The following GSR variants were observed in gnomAD, a reference collection of about 807,000 sequenced individuals.
The protein encoded by GSR is glutathione reductase, mitochondrial.
GSR carries 48 observed loss-of-function variants against 56.5 expected under a neutral mutation model. That is an observed-to-expected ratio of 0.85 (90% CI 0.67 to 1.08). The LOEUF is 1.08. Among genes scored for constraint, GSR ranks in the 50% least tolerant of loss-of-function variants. The pLI is 0.00. For synonymous variants in GSR, 264 were observed against 270.8 expected (o/e 0.97, Z 0.25); for missense variants, 694 against 703.3 (o/e 0.99, Z 0.15).
rs141145766 is a variant in GSR, at chr8:30,685,751, G to A, written c.1042-1552C>T. On this transcript the variant is annotated intron_variant, in intron 9 of 12. Transcript: ENST00000221130. Reference sequence around the variant, plus strand: ...AGCACTTCGGGAGGCCAAGGCGGGCGGATCACCTGAGGTCAGGAGTTTGAG... The same window carrying A: ...AGCACTTCGGGAGGCCAAGGCGGGCAGATCACCTGAGGTCAGGAGTTTGAG... 1.9e-3 allele frequency among the ~76,000 whole-genome samples: 286 copies of A among 151,970 alleles called. 4 individuals carry two copies. Among genetic ancestry groups the A allele is most frequent in the African/African-American group, 6.1e-3 (252 of 41,468 alleles).
intron 7 of GSR, among the ~76,000 whole-genome samples, chr8:30,694,083 ATACT>A (rs1467530032): frequency 6.6e-6 from 1 of 152,212 alleles, no homozygotes; most frequent in Non-Finnish European, 1.5e-5. Context: ...TAGCAAAATA[ATACT>A]TACCTATGAA....
At chr8:30,680,145 G>A (rs1318737429) in intron 12 of GSR, among the ~76,000 whole-genome samples, 1 of 152,288 alleles carries the variant, frequency 6.6e-6, no homozygotes, top group African/African-American at 2.4e-5. Context: ...TAACTGGCAT[G>A]AAGAAATAAC....
At chr8:30,709,392 C>T (rs1319184962) in intron 3 of GSR, among the ~76,000 whole-genome samples, 4 of 152,048 alleles carry the variant, frequency 2.6e-5, no homozygotes, top group Admixed American at 2.6e-4. Context: ...GAATGAGGTT[C>T]TGATACATAC....
chr8:30,681,129 AATCAAACCACGAGGAAAT>A (rs1337126993), intron 11 of GSR, 92 bp from the exon 12 acceptor site: 5 of 1,028,510 alleles, frequency 4.9e-6, no homozygotes, highest in Non-Finnish European at 7.6e-6. Flanking sequence ...ACATAACCTC[AATCAAACCACGAGGAAAT>A]ATCAAACCAC....
Position 30,696,283 on chromosome 8 carries a change from C to T in GSR, c.795+97G>A, listed in dbSNP as rs8190998. 7.5e-4 allele frequency: 661 copies of T among 883,696 alleles called. 6 individuals carry two copies. In the East Asian group the frequency reaches 0.014, roughly 19 times the overall value. 54.7% of individuals were successfully genotyped at this position (883,696 alleles called of 1,614,324 possible). ...GAAACCAACCAAATGACCCCCACAC[C>T]TGCTTTGCACCCTAGTATTTAACGA... On this transcript the variant is annotated intron_variant, in intron 7 of 12. Transcript: ENST00000221130.
chr8:30,694,071 T>G (rs1803472637), intron 7 of GSR, among the ~76,000 whole-genome samples: 1 of 152,192 alleles, frequency 6.6e-6, no homozygotes, highest in African/African-American at 2.4e-5. Context: ...CTGGATATAT[T>G]CTAGCAAAAT....
At chr8:30,690,285 G>C (rs1803339171) in intron 8 of GSR, among the ~76,000 whole-genome samples, 1 of 151,452 alleles carries the variant, frequency 6.6e-6, no homozygotes, top group African/African-American at 2.4e-5. Context: ...TCAGCCTCCT[G>C]GGTAGCTAGG....
intron 3 of GSR, among the ~76,000 whole-genome samples, chr8:30,708,774 G>A (rs1180181645): frequency 6.6e-6 from 1 of 151,560 alleles, no homozygotes; most frequent in Non-Finnish European, 1.5e-5. Flanking sequence ...GGCTAACACA[G>A]TGAAATCCCG....
chr8:30,714,959 C>A (rs979361075), intron 1 of GSR, among the ~76,000 whole-genome samples: 3 of 152,122 alleles, frequency 2.0e-5, no homozygotes, highest in Admixed American at 2.0e-4. Flanking sequence ...CAGAGTATCA[C>A]AAGTACTTCA....
intron 8 of GSR, among the ~76,000 whole-genome samples, chr8:30,691,810 A>T (rs1803386161): frequency 6.6e-6 from 1 of 152,150 alleles, no homozygotes; most frequent in African/African-American, 2.4e-5. Flanking sequence ...AAATTTAAAA[A>T]ATCAGGGGCC....
At position 30,684,190 on chromosome 8, in the gene GSR, T is replaced by C. The variant is rs774510541; in HGVS notation, c.1051A>G (p.Thr351Ala). The C allele has an allele frequency of 1.3e-6, 2 of 1,585,360 alleles. No homozygotes were observed. Among genetic ancestry groups the C allele is most frequent in the South Asian group, 1.1e-5 (1 of 90,548 alleles). ...DLSLNKLGIQTDDKGHIIVDE... is the reference protein window; with the variant it reads ...DLSLNKLGIQADDKGHIIVDE... The stretch of plus-strand genomic sequence containing the variant: ...ACGATGATATGACCCTTGTCATCGG[T>C]TTGAATCCCCTAAAATTACAAAGAG... The change falls in exon 10 of 13, where the codon ACC (threonine) becomes GCC (alanine). Residue 351 changes from threonine (T) to alanine (A), a missense_variant. Coordinates refer to ENST00000221130, the MANE Select transcript of GSR (RefSeq NM_000637.5).
intron 8 of GSR, among the ~76,000 whole-genome samples, chr8:30,691,280 G>C (rs1026800340): frequency 1.3e-5 from 2 of 151,750 alleles, no homozygotes; most frequent in East Asian, 3.9e-4. Flanking sequence ...ACTTGAACCT[G>C]GGAGGTGGAG....
In GSR at chr8:30,727,817, C is replaced by A. The variant is rs1347696433; in HGVS notation, c.19G>T (p.Ala7Ser). ...CTCGGTCCCGCGCCGGCGCTCAGGGCTCGGGGCAGCAGGGCCATGCACGCG... is the reference window on the plus strand; with the variant it reads ...CTCGGTCCCGCGCCGGCGCTCAGGGATCGGGGCAGCAGGGCCATGCACGCG... MALLPR[A>S]LSAGAGPSWR... is the part of the protein sequence containing the mutation. The change falls in exon 1 of 13, where the codon GCC (alanine) becomes TCC (serine). Residue 7 changes from alanine (A) to serine (S), a missense_variant. Ala to Ser is a moderately conservative substitution (Grantham distance 99, BLOSUM62 1). Coordinates refer to ENST00000221130, the MANE Select transcript of GSR (RefSeq NM_000637.5). 6 of 1,278,772 alleles carry A rather than the reference C, an allele frequency of 4.7e-6. No individual in the cohort carries two copies. The Admixed American group carries it at 1.2e-4, about 25-fold the overall frequency. The allele number at this position is 1,278,772 out of a possible 1,614,324, so 79.2% of individuals were successfully genotyped here.
chr8:30,701,148 C>G (rs368938872), intron 5 of GSR, among the ~76,000 whole-genome samples: 30 of 152,276 alleles, frequency 2.0e-4, no homozygotes, highest in East Asian at 1.7e-3. Flanking sequence ...CTGTAGCCCC[C>G]CTACCCTCAT....
intron 1 of GSR, among the ~76,000 whole-genome samples, chr8:30,716,455 G>T (rs1019970285): frequency 6.6e-6 from 1 of 152,198 alleles, no homozygotes; most frequent in African/African-American, 2.4e-5. Flanking sequence ...GCTTTTAGAG[G>T]CCTATTTACA....
At chr8:30,714,734 T>G (rs1586065037) in intron 1 of GSR, among the ~76,000 whole-genome samples, 1 of 152,122 alleles carries the variant, frequency 6.6e-6, no homozygotes, top group African/African-American at 2.4e-5. Flanking sequence ...GGTCTCAGTA[T>G]ATTGCCCAGG....
At position 30,727,815 on chromosome 8, in the gene GSR, G is replaced by T; in HGVS notation, c.21C>A (p.Ala7=). Residue 7 remains alanine (A), a synonymous_variant, in exon 1 of 13, where the codon GCC becomes GCA. Transcript: ENST00000221130. Reference sequence around the variant, plus strand: ...AGCTCGGTCCCGCGCCGGCGCTCAGGGCTCGGGGCAGCAGGGCCATGCACG... The same window carrying T: ...AGCTCGGTCCCGCGCCGGCGCTCAGTGCTCGGGGCAGCAGGGCCATGCACG... MALLPR[A]LSAGAGPSWR... 7.8e-7 allele frequency: 1 copy of T among 1,281,896 alleles called. No individual in the cohort carries two copies. The allele number at this position is 1,281,896 out of a possible 1,614,324, so 79.4% of individuals were successfully genotyped here. A position where few individuals can be genotyped will look rare whatever the true frequency, so the allele number is the denominator to read the frequency against.
intron 3 of GSR, among the ~76,000 whole-genome samples, chr8:30,708,803 C>CA (rs1804006773): frequency 6.6e-6 from 1 of 151,318 alleles, no homozygotes; most frequent in Admixed American, 6.6e-5. Flanking sequence ...AAAAAAAATA[C>CA]AAAAAATTAC....
In GSR at chr8:30,692,619, A is replaced by G. The variant is rs185575452; in HGVS notation, c.882+350T>C. On this transcript the variant is annotated intron_variant, in intron 8 of 12. Coordinates refer to ENST00000221130, the MANE Select transcript of GSR (RefSeq NM_000637.5). ...TGGGTTCAAGCAATTCTCCTGCCTC[A>G]ACCTCCAGAGTAGCTGGGATTACAG... Among the ~76,000 whole-genome samples, 3 of 146,622 alleles carry G rather than the reference A, an allele frequency of 2.0e-5. No homozygotes were observed. In the Admixed American group the frequency reaches 2.1e-4, roughly 10 times the overall value.
Sources: allele counts gnomAD v4.1 joint callset (sites outside exome capture counted in the v4.1 genomes callset), GRCh38; gene constraint gnomAD v4.1.1; transcripts MANE v1.5; gene names NCBI Gene and HGNC (gene_info 2026-07-23, HGNC 2026-07-21).